Variants in MICAL2 observed in about 807,000 individuals in gnomAD.
MICAL2 encodes microtubule associated monooxygenase, calponin and LIM domain containing 2.
MICAL2 carries 77 observed loss-of-function variants against 127.3 expected under a neutral mutation model. The observed-to-expected ratio is 0.60, with a 90% confidence interval of 0.50 to 0.73. MICAL2 has a LOEUF of 0.73. Among genes scored for constraint, MICAL2 ranks in the 30% least tolerant of loss-of-function variants. The pLI is 0.00. For missense variants in MICAL2, 1,351 were observed against 1,434.4 expected (o/e 0.94, Z 0.94); for synonymous variants, 570 against 551.1 (o/e 1.03, Z -0.48).
intron 32 of MICAL2, among the ~76,000 whole-genome samples, chr11:12,344,567 C>T (rs965779582): frequency 6.7e-6 from 1 of 148,556 alleles, no homozygotes; most frequent in Non-Finnish European, 1.5e-5. Flanking sequence ...ATGGTGCAAT[C>T]GGGGTTCACT....
At chr11:12,307,333 C>T (rs1864123397) in intron 29 of MICAL2, among the ~76,000 whole-genome samples, 1 of 152,016 alleles carries the variant, frequency 6.6e-6, no homozygotes, top group Non-Finnish European at 1.5e-5. Context: ...TAAATAAATC[C>T]TTTATCAGAT....
At chr11:12,238,016 C>G (rs1259283864) in intron 16 of MICAL2, among the ~76,000 whole-genome samples, 2 of 152,232 alleles carry the variant, frequency 1.3e-5, no homozygotes, top group Non-Finnish European at 2.9e-5. Context: ...GAGGGTATGC[C>G]TCTTCGGTTT....
intron 3 of MICAL2, among the ~76,000 whole-genome samples, chr11:12,171,600 G>A (rs891639060): frequency 6.6e-6 from 1 of 152,250 alleles, no homozygotes; most frequent in Non-Finnish European, 1.5e-5. Flanking sequence ...GCAGTTCACT[G>A]AGCCTGATTC....
chr11:12,115,990 T>C (rs1206697670), intron 1 of MICAL2, among the ~76,000 whole-genome samples: 1 of 150,850 alleles, frequency 6.6e-6, no homozygotes, highest in African/African-American at 2.4e-5. Context: ...TTTTTTTTTT[T>C]TTTTTTCTGA....
At chr11:12,132,972 G>T (rs535891970) in intron 1 of MICAL2, among the ~76,000 whole-genome samples, 42 of 152,320 alleles carry the variant, frequency 2.8e-4, no homozygotes, top group East Asian at 9.6e-4. Flanking sequence ...GTGCTCATTT[G>T]TGTGTTCATC....
At chr11:12,156,460 G>C (rs1854193616) in intron 2 of MICAL2, among the ~76,000 whole-genome samples, 1 of 152,198 alleles carries the variant, frequency 6.6e-6, no homozygotes, top group Non-Finnish European at 1.5e-5. Context: ...AGGAGGCAAG[G>C]GTGGAGCAGG....
chr11:12,181,748 G>A (rs948039953), intron 3 of MICAL2, among the ~76,000 whole-genome samples: 4 of 152,186 alleles, frequency 2.6e-5, no homozygotes, highest in East Asian at 1.9e-4. Context: ...TCAATAAATC[G>A]CAACTGCTAT....
chr11:12,134,429 A>C (rs927139205), intron 1 of MICAL2, among the ~76,000 whole-genome samples: 1 of 152,196 alleles, frequency 6.6e-6, no homozygotes, highest in African/African-American at 2.4e-5. Context: ...ACCAGGAAGC[A>C]CAGGGCTGGG....
upstream of MICAL2, among the ~76,000 whole-genome samples, chr11:12,271,302 C>T (rs1488355065): frequency 7.2e-5 from 11 of 152,318 alleles, no homozygotes; most frequent in Non-Finnish European, 1.5e-4. Context: ...CCTTCATTCT[C>T]CAAATGAGCA....
intron 4 of MICAL2, among the ~76,000 whole-genome samples, chr11:12,205,989 G>A (rs1348201782): frequency 2.0e-5 from 3 of 152,160 alleles, no homozygotes; most frequent in African/African-American, 4.8e-5. Flanking sequence ...GTCACATAGG[G>A]TATAATTTAT....
chr11:12,162,116 G>C lies in MICAL2; in HGVS notation c.-40G>C. 6.2e-7 allele frequency: 1 copy of C among 1,612,420 alleles called. No individual in the cohort carries two copies. Among genetic ancestry groups the C allele is most frequent in the Non-Finnish European group, 8.5e-7 (1 of 1,179,370 alleles). On this transcript the variant is annotated 5_prime_UTR_variant, in exon 3 of 28. Coordinates refer to ENST00000683283, the MANE Select transcript of MICAL2 (RefSeq NM_001282663.2). ...TCCAGATACTTCATGCTGTTCACCT[G>C]TGTCCTCGCCGCACCACTGCCGCAC...
At chr11:12,226,143 AT>A in intron 13 of MICAL2, 27 bp from the exon 14 acceptor site, 1 of 1,612,740 alleles carries the variant, frequency 6.2e-7, no homozygotes, top group Non-Finnish European at 8.5e-7. Flanking sequence ...CTCTCCCTGA[AT>A]TTCTCTGCTT....
rs1461188435 is a variant in MICAL2, at chr11:12,270,198, T to C, written c.3335-5788T>C. On this transcript the variant is annotated intron_variant, in intron 24 of 34. Coordinates refer to the MICAL2 transcript ENST00000646065. ...GCCCTCCCTCATCCTGCTGGGGACT[T>C]GTAGTGTCCCCTCTTATAAGAGGGC... Among the ~76,000 whole-genome samples the C allele has an allele frequency of 3.3e-5, 5 of 152,138 alleles. No individual in the cohort carries two copies. In the East Asian group the frequency reaches 5.8e-4, roughly 18 times the overall value.
chr11:12,284,481 G>A (rs535190745), intron 2 of MICAL2, among the ~76,000 whole-genome samples: 4 of 152,074 alleles, frequency 2.6e-5, no homozygotes, highest in South Asian at 2.1e-4. Flanking sequence ...TATTGTTCCC[G>A]TTGTGGTAAA....
intron 3 of MICAL2, among the ~76,000 whole-genome samples, chr11:12,182,510 C>T (rs145140946): frequency 4.8e-4 from 73 of 152,220 alleles, no homozygotes; most frequent in African/African-American, 1.7e-3. Flanking sequence ...CGATTCCTAG[C>T]GATAGGAAAT....
At chr11:12,178,256 C>CA (rs1857051691) in intron 3 of MICAL2, among the ~76,000 whole-genome samples, 2 of 152,106 alleles carry the variant, frequency 1.3e-5, no homozygotes, top group Admixed American at 1.3e-4. Flanking sequence ...AAGCTGCTGA[C>CA]AAAAAACAAA....
chr11:12,295,939 T>C (rs918379703), downstream of MICAL2, among the ~76,000 whole-genome samples: 1 of 152,170 alleles, frequency 6.6e-6, no homozygotes, highest in Non-Finnish European at 1.5e-5. Flanking sequence ...ACTCCTAGCC[T>C]AAACACTTAC....
chr11:12,222,655 A>G lies in MICAL2; in HGVS notation c.1361A>G (p.Glu454Gly). 6.2e-7 allele frequency: 1 copy of G among 1,614,244 alleles called. No homozygotes were observed. Among genetic ancestry groups the G allele is most frequent in the Non-Finnish European group, 8.5e-7 (1 of 1,180,044 alleles). ...CGGCTGTTACCTCAGACAACCCCGG[A>G]GAACATCAACAAGAACTTTGAGCAG... ...LYRLLPQTTP[E>G]NINKNFEQYT... is the part of the protein sequence containing the mutation. Residue 454 changes from glutamate (E) to glycine (G), a missense_variant, in exon 11 of 28, where the codon GAG (glutamate) becomes GGG (glycine). By Grantham distance (98) the Glu-to-Gly change is moderately conservative. This residue lies in a region of MICAL2 where 599 missense variants were observed against 714.9 expected (regional missense o/e 0.84). Coordinates refer to ENST00000683283, the MANE Select transcript of MICAL2 (RefSeq NM_001282663.2).
intron 6 of MICAL2, among the ~76,000 whole-genome samples, 162 bp downstream of exon 6, chr11:12,209,760 T>G (rs1590363549): frequency 1.3e-5 from 2 of 152,230 alleles, no homozygotes; most frequent in East Asian, 3.9e-4. Context: ...GAACAGCCCA[T>G]CCACCTGTGG....
Sources: gnomAD v4.1 joint callset for allele counts (sites outside exome capture counted in the v4.1 genomes callset) on GRCh38, gnomAD v4.1.1 for gene constraint, gnomAD v4.1.1 regional missense constraint, MANE v1.5 for transcripts, NCBI Gene and HGNC (gene_info 2026-07-23, HGNC 2026-07-21) for gene names.